STK39: variants seen among roughly 807,000 people sequenced by gnomAD.
The protein encoded by STK39 is serine/threonine kinase 39, also known as STE20/SPS1-related proline-alanine-rich protein kinase.
Under a neutral mutation model 77.8 loss-of-function variants are expected in STK39, and 20 were observed. The ratio of observed to expected loss-of-function variants is 0.26; its 90% CI spans 0.18 to 0.37. The LOEUF (loss-of-function observed/expected upper bound fraction) is 0.37, where lower values mean the gene tolerates loss of function less well. Among genes scored for constraint, STK39 ranks in the 10% least tolerant of loss-of-function variants. STK39 has a pLI of 1.00. For synonymous variants in STK39, 246 were observed against 234.1 expected (o/e 1.05, Z -0.47); for missense variants, 479 against 656.5 (o/e 0.73, Z 2.95).
At chr2:167,973,154 G>C (rs1030190308) in intron 16 of STK39, among the ~76,000 whole-genome samples, 1 of 152,156 alleles carries the variant, frequency 6.6e-6, no homozygotes, top group Non-Finnish European at 1.5e-5. Flanking sequence ...TATTTTGTCA[G>C]AAAAGTAAAA....
intron 16 of STK39, among the ~76,000 whole-genome samples, chr2:167,997,645 C>T (rs1683881861): frequency 6.6e-6 from 1 of 152,186 alleles, no homozygotes; most frequent in Non-Finnish European, 1.5e-5. Context: ...CATCACATAG[C>T]TCTACAGCAG....
chr2:168,164,005 C>T (rs538552106), intron 3 of STK39, 125 bp from the exon 4 acceptor site: 971 of 1,344,458 alleles, frequency 7.2e-4, no homozygotes, highest in Admixed American at 1.6e-3. Flanking sequence ...CAAATATTCC[C>T]AAGGCAAACA....
At chr2:167,959,053 T>C (rs1386966464) in intron 17 of STK39, among the ~76,000 whole-genome samples, 2 of 152,346 alleles carry the variant, frequency 1.3e-5, no homozygotes, top group South Asian at 2.1e-4. Flanking sequence ...TCCAAAATCC[T>C]ATTTTTGCTT....
At chr2:167,970,418 T>C (rs1692301073) in intron 16 of STK39, among the ~76,000 whole-genome samples, 1 of 152,124 alleles carries the variant, frequency 6.6e-6, no homozygotes, top group Non-Finnish European at 1.5e-5. Flanking sequence ...CAGCACAATG[T>C]CTAGTACACC....
chr2:168,022,498 G>T lies in STK39; in HGVS notation c.1377-5403C>A, dbSNP rs192091506. 2.6e-3 allele frequency among the ~76,000 whole-genome samples: 390 copies of T among 152,270 alleles called. 3 individuals carry two copies. Among genetic ancestry groups the T allele is most frequent in the African/African-American group, 9.1e-3 (377 of 41,544 alleles). ...AGGGGACAACCACTATTCAGTGCCT[G>T]CAGGTTATGGCCAGACAGGATTGGA... On this transcript the variant is annotated intron_variant, in intron 14 of 17. Transcript: ENST00000355999.
intron 8 of STK39, among the ~76,000 whole-genome samples, chr2:168,132,163 T>C (rs1036192068): frequency 4.9e-4 from 75 of 152,286 alleles, no homozygotes; most frequent in African/African-American, 1.8e-3. Context: ...TGAAACAACA[T>C]TTTAAAAACT....
At chr2:168,089,413 G>A (rs2105430478) in intron 10 of STK39, among the ~76,000 whole-genome samples, 1 of 152,262 alleles carries the variant, frequency 6.6e-6, no homozygotes, top group African/African-American at 2.4e-5. Flanking sequence ...GAAAGTATAA[G>A]TAACCACTTC....
At chr2:168,081,234 C>A (rs769757999) in intron 10 of STK39, among the ~76,000 whole-genome samples, 29 of 152,174 alleles carry the variant, frequency 1.9e-4, no homozygotes, top group Non-Finnish European at 3.2e-4. Context: ...ATGAAAGCAG[C>A]TGGGAGGGAG....
chr2:168,074,751 G>A (rs1382163337), intron 12 of STK39, among the ~76,000 whole-genome samples: 2 of 152,124 alleles, frequency 1.3e-5, no homozygotes, highest in African/African-American at 4.8e-5. Context: ...TAAGTACTGG[G>A]ATCATCCTCA....
Position 168,137,297 on chromosome 2 carries a change from C to T in STK39, c.974+791G>A, listed in dbSNP as rs573012763. ...GGATAGATAGGAACTTCTCAGAGGCCTCTCCTGGTCTATGCTAGGATAACA... is the reference window on the plus strand; with the variant it reads ...GGATAGATAGGAACTTCTCAGAGGCTTCTCCTGGTCTATGCTAGGATAACA... On this transcript the variant is annotated intron_variant, in intron 8 of 17. Transcript: ENST00000355999. Among the ~76,000 whole-genome samples the T allele has an allele frequency of 5.9e-5, 9 of 152,226 alleles. No individual in the cohort carries two copies. In the South Asian group the frequency reaches 1.9e-3, roughly 32 times the overall value.
At chr2:168,129,456 G>T in intron 10 of STK39, 85 bp downstream of exon 10, 2 of 1,460,198 alleles carry the variant, frequency 1.4e-6, no homozygotes, top group Non-Finnish European at 1.9e-6. Flanking sequence ...TCCTGCATAT[G>T]TGGAAATCTT....
chr2:168,027,982 C>T (rs188294203), intron 14 of STK39, among the ~76,000 whole-genome samples: 7 of 152,160 alleles, frequency 4.6e-5, no homozygotes, highest in African/African-American at 7.2e-5. Flanking sequence ...TCCCTAGCTA[C>T]GAAAAAGAGT....
chr2:168,093,824 G>A (rs60337139), intron 10 of STK39, among the ~76,000 whole-genome samples: 8,253 of 152,152 alleles, frequency 0.054, 353 homozygotes, highest in South Asian at 0.16. Flanking sequence ...TCTTATCACA[G>A]CTCCTCATTT....
At chr2:168,005,187 G>A (rs1304821084) in intron 16 of STK39, among the ~76,000 whole-genome samples, 1 of 151,786 alleles carries the variant, frequency 6.6e-6, no homozygotes, top group Non-Finnish European at 1.5e-5. Context: ...TGTATTTTCA[G>A]TAGAGACAAA....
intron 14 of STK39, among the ~76,000 whole-genome samples, chr2:168,018,520 AAAAGAAAGAAAAGAAAGAAAAG>A (rs1361635146): frequency 5.9e-3 from 660 of 112,166 alleles, no homozygotes; most frequent in African/African-American, 6.9e-3. Context: ...GAAAAGAAAG[AAAAGAAAGAAAAGAAAGAAAAG>A]AAAGAAAGAA....
At chr2:168,008,761 G>T (rs1384742575) in intron 16 of STK39, among the ~76,000 whole-genome samples, 1 of 152,108 alleles carries the variant, frequency 6.6e-6, no homozygotes, top group Admixed American at 6.6e-5. Flanking sequence ...GACTGAGAAG[G>T]AAATACCAGT....
chr2:168,059,662 C>A (rs1484407534), intron 14 of STK39, among the ~76,000 whole-genome samples: 1 of 152,196 alleles, frequency 6.6e-6, no homozygotes, highest in Non-Finnish European at 1.5e-5. Flanking sequence ...CAGACTATCC[C>A]ACTCAACTGT....
chr2:168,073,636 T>C (rs527592279), intron 12 of STK39, among the ~76,000 whole-genome samples: 6 of 152,062 alleles, frequency 3.9e-5, no homozygotes, highest in Non-Finnish European at 8.8e-5. Context: ...AGCTTATATA[T>C]ATATTTTTCT....
At chr2:168,221,767 T>C (rs1303532956) in intron 1 of STK39, among the ~76,000 whole-genome samples, 1 of 152,050 alleles carries the variant, frequency 6.6e-6, no homozygotes, top group African/African-American at 2.4e-5. Context: ...CTTCTTTGGA[T>C]CACCAAGATG....
Sources: gnomAD v4.1 joint callset for allele counts (sites outside exome capture counted in the v4.1 genomes callset) on GRCh38, gnomAD v4.1.1 for gene constraint, MANE v1.5 for transcripts, NCBI Gene and HGNC (gene_info 2026-07-23, HGNC 2026-07-21) for gene names.